EPS8: variants seen among roughly 807,000 people sequenced by gnomAD.
EPS8 encodes the protein epidermal growth factor receptor kinase substrate 8.
EPS8 carries 42 observed loss-of-function variants against 103.8 expected under a neutral mutation model. That is an observed-to-expected ratio of 0.40 (90% confidence interval 0.32 to 0.52). The LOEUF is 0.52. Among genes scored for constraint, EPS8 ranks in the 20% least tolerant of loss-of-function variants. The pLI is 0.40. For missense variants in EPS8, 969 were observed against 1,005.1 expected (o/e 0.96, Z 0.49); for synonymous variants, 344 against 344.6 (o/e 1.00, Z 0.02).
rs1947045758 is a variant in EPS8 at position 15,761,881 on chromosome 12, A to G, written c.-22+27280T>C. Among the ~76,000 whole-genome samples the G allele has an allele frequency of 6.6e-6, 1 of 152,160 alleles. No homozygotes were observed. ...CTCCAGGACACTGAACTAGGTGAAAATTTCTTGAGTAATACCTCACGAGAA... is the reference window on the plus strand; with the variant it reads ...CTCCAGGACACTGAACTAGGTGAAAGTTTCTTGAGTAATACCTCACGAGAA... On this transcript the variant is annotated intron_variant, in intron 1 of 20. Transcript: ENST00000281172. This position sits in a 1 kb window ranked among gnomAD's most constrained non-coding sequence, Gnocchi z 4.5.
intron 17 of EPS8, among the ~76,000 whole-genome samples, chr12:15,638,683 T>G (rs1470265758): frequency 6.6e-6 from 1 of 152,222 alleles, no homozygotes; most frequent in Non-Finnish European, 1.5e-5. Context: ...AACAAACTCC[T>G]GAAACTTGTG....
rs184104425 is a variant in EPS8, at chr12:15,684,199, A to G, written c.-21-1227T>C. Reference sequence around the variant, plus strand: ...TTGGAAGAGCACAGAAAGCCTACATAAAGAAATAATATTCAAGATCTGGTC... The same window carrying G: ...TTGGAAGAGCACAGAAAGCCTACATGAAGAAATAATATTCAAGATCTGGTC... On this transcript the variant is annotated intron_variant, in intron 1 of 20. Coordinates refer to ENST00000281172, the MANE Select transcript of EPS8 (RefSeq NM_004447.6). The surrounding 1 kb of genome is among the most constrained non-coding windows in gnomAD (Gnocchi z 4.9). The G allele has an allele frequency of 6.6e-6, 1 of 152,326 alleles. No individual in the cohort carries two copies. The highest frequency in any genetic ancestry group is 1.9e-4 in the East Asian group (1 of 5,188). 9.4% of individuals were successfully genotyped at this position (152,326 alleles called of 1,614,324 possible).
rs1019446084 is a variant in EPS8 at position 15,752,540 on chromosome 12, T to C, written c.-22+36621A>G. Among the ~76,000 whole-genome samples, 5 of 152,038 alleles carry C rather than the reference T, an allele frequency of 3.3e-5. No homozygotes were observed. The highest frequency in any genetic ancestry group is 1.2e-4 in the African/African-American group (5 of 41,380). ...TGAGCCTTTTAGCAGGAGTGAAATA[T>C]TCCCAGCAATGGAATTAAAAGAAAT... On this transcript the variant is annotated intron_variant, in intron 1 of 20. Coordinates refer to ENST00000281172, the MANE Select transcript of EPS8 (RefSeq NM_004447.6). This position sits in a 1 kb window ranked among gnomAD's most constrained non-coding sequence, Gnocchi z 4.4.
intron 1 of EPS8, among the ~76,000 whole-genome samples, chr12:15,723,316 A>AT (rs1946618712): frequency 3.3e-5 from 5 of 152,004 alleles, no homozygotes; most frequent in Non-Finnish European, 5.9e-5. Flanking sequence ...GTCTCAAAAA[A>AT]ATATATATAT....
At chr12:15,685,466 A>AT in intron 1 of EPS8, among the ~76,000 whole-genome samples, 6 of 152,204 alleles carry the variant, frequency 3.9e-5, no homozygotes, top group African/African-American at 1.4e-4. Flanking sequence ...TTAAAACCAC[A>AT]GCAGCTGGTT....
Position 15,738,550 on chromosome 12 carries a change from GC to G in EPS8, c.-22+50610del, listed in dbSNP as rs1946788551. 6.6e-6 allele frequency among the ~76,000 whole-genome samples: 1 copy of G among 152,036 alleles called. No individual in the cohort carries two copies. Among genetic ancestry groups the G allele is most frequent in the Non-Finnish European group, 1.5e-5 (1 of 67,986 alleles). Reference sequence around the variant, plus strand: ...TCCTTCTATAATAAGAACATTCTTAGCCCTGAAGATAAAATATTAACAAAGA... The same window carrying G: ...TCCTTCTATAATAAGAACATTCTTAGCCTGAAGATAAAATATTAACAAAGA... On this transcript the variant is annotated intron_variant, in intron 1 of 20. Transcript: ENST00000281172. This position sits in a 1 kb window ranked among gnomAD's most constrained non-coding sequence, Gnocchi z 6.2.
At chr12:15,689,455 G>T (rs1946142374) in intron 1 of EPS8, among the ~76,000 whole-genome samples, 2 of 152,158 alleles carry the variant, frequency 1.3e-5, no homozygotes, top group South Asian at 4.1e-4. Context: ...TGGGTGGGAA[G>T]ATGGAAAAAC....
chr12:15,668,008 T>C (rs1945746675), intron 6 of EPS8, among the ~76,000 whole-genome samples: 1 of 152,104 alleles, frequency 6.6e-6, no homozygotes, highest in Non-Finnish European at 1.5e-5. Flanking sequence ...GATACAAACA[T>C]CAAATTTGAA....
chr12:15,689,530 ATATT>A lies in EPS8; in HGVS notation c.-21-6562_-21-6559del, dbSNP rs199812271. On this transcript the variant is annotated intron_variant, in intron 1 of 20. Coordinates refer to ENST00000281172, the MANE Select transcript of EPS8 (RefSeq NM_004447.6). ...TTTAATTGACAAATAATAATTGTATATATTTATAGTGTACAATGTAGTGCTTTGA... is the reference window on the plus strand; with the variant it reads ...TTTAATTGACAAATAATAATTGTATATATAGTGTACAATGTAGTGCTTTGA... 1.0e-3 allele frequency among the ~76,000 whole-genome samples: 154 copies of A among 152,314 alleles called. 1 individual carries two copies. In the East Asian group the frequency reaches 0.028, roughly 27 times the overall value.
At chr12:15,662,173 A>C (rs1318548925) in intron 8 of EPS8, 74 bp from the exon 9 acceptor site, 15 of 1,562,336 alleles carry the variant, frequency 9.6e-6, no homozygotes, top group Non-Finnish European at 4.4e-6. Context: ...AAAACATAAA[A>C]ATTAGTTAAA....
chr12:15,764,861 A>G lies in EPS8; in HGVS notation c.-22+24300T>C, dbSNP rs1334849208. The stretch of plus-strand genomic sequence containing the variant: ...CTAATACAAGTAATTCAATAAAAAA[A>G]CAAGTAGTATCTACAACCATTAAAA... On this transcript the variant is annotated intron_variant, in intron 1 of 20. Transcript: ENST00000281172. This position sits in a 1 kb window ranked among gnomAD's most constrained non-coding sequence, Gnocchi z 4.1. Among the ~76,000 whole-genome samples the G allele has an allele frequency of 2.0e-5, 3 of 152,246 alleles. No homozygotes were observed. The highest frequency in any genetic ancestry group is 4.4e-5 in the Non-Finnish European group (3 of 68,044).
At chr12:15,732,338 G>T (rs1434498187) in intron 1 of EPS8, among the ~76,000 whole-genome samples, 1 of 152,104 alleles carries the variant, frequency 6.6e-6, no homozygotes, top group East Asian at 1.9e-4. Context: ...ACATAATTAT[G>T]GTGATAATGA....
intron 4 of EPS8, 44 bp from the exon 5 acceptor site, chr12:15,669,869 CA>C (rs1945785319): frequency 6.9e-7 from 1 of 1,440,856 alleles, no homozygotes. Context: ...CACATACAAA[CA>C]CATACAACCT....
At chr12:15,666,310 T>C (rs1945708451) in intron 7 of EPS8, 130 bp downstream of exon 7, 1 of 660,546 alleles carries the variant, frequency 1.5e-6, no homozygotes, top group Admixed American at 3.3e-5. Flanking sequence ...ACAAATGTGT[T>C]GAGACTACAG....
At chr12:15,662,419 A>G (rs940157995) in intron 8 of EPS8, 1 of 1,041,672 alleles carries the variant, frequency 9.6e-7, no homozygotes, top group Non-Finnish European at 1.2e-6. Context: ...TAATTCCTAC[A>G]CAAGCCAGAA....
At chr12:15,682,367 A>G (rs1214594420) in intron 2 of EPS8, among the ~76,000 whole-genome samples, 1 of 152,230 alleles carries the variant, frequency 6.6e-6, no homozygotes, top group Non-Finnish European at 1.5e-5. Context: ...TCAAATAATA[A>G]CATTAATCGT....
At position 15,759,212 on chromosome 12, in the gene EPS8, G is replaced by A. The variant is rs1947017491; in HGVS notation, c.-22+29949C>T. Reference sequence around the variant, plus strand: ...CAGAGTGCTATAATACACTAAAAATGCCTCAAAAAACATGTTTTGATTAAC... The same window carrying A: ...CAGAGTGCTATAATACACTAAAAATACCTCAAAAAACATGTTTTGATTAAC... On this transcript the variant is annotated intron_variant, in intron 1 of 20. Coordinates refer to ENST00000281172, the MANE Select transcript of EPS8 (RefSeq NM_004447.6). This position sits in a 1 kb window ranked among gnomAD's most constrained non-coding sequence, Gnocchi z 4.9. Among the ~76,000 whole-genome samples, 2 of 152,046 alleles carry A rather than the reference G, an allele frequency of 1.3e-5. No homozygotes were observed. The highest frequency in any genetic ancestry group is 1.9e-4 in the East Asian group (1 of 5,170).
At chr12:15,685,544 T>C (rs1038311474) in intron 1 of EPS8, among the ~76,000 whole-genome samples, 1 of 152,184 alleles carries the variant, frequency 6.6e-6, no homozygotes, top group Non-Finnish European at 1.5e-5. Context: ...ATCAAATAAA[T>C]GCATGGTCTC....
chr12:15,706,921 G>T lies in EPS8; in HGVS notation c.-21-23949C>A, dbSNP rs1373410292. On this transcript the variant is annotated intron_variant, in intron 1 of 20. Transcript: ENST00000281172. This position sits in a 1 kb window ranked among gnomAD's most constrained non-coding sequence, Gnocchi z 5.2. Reference sequence around the variant, plus strand: ...GCAAGCCAGACAAGCTTACATTTCAGTCCTTATTAAATGTAAAACTTTAGG... The same window carrying T: ...GCAAGCCAGACAAGCTTACATTTCATTCCTTATTAAATGTAAAACTTTAGG... Among the ~76,000 whole-genome samples the T allele has an allele frequency of 1.3e-5, 2 of 151,964 alleles. No individual in the cohort carries two copies. The highest frequency in any genetic ancestry group is 2.9e-5 in the Non-Finnish European group (2 of 67,988).
Sources: gnomAD v4.1 joint callset for allele counts (sites outside exome capture counted in the v4.1 genomes callset) on GRCh38, gnomAD v4.1.1 for gene constraint, Gnocchi (gnomAD v3.1) non-coding constraint, MANE v1.5 for transcripts, NCBI Gene and HGNC (gene_info 2026-07-23, HGNC 2026-07-21) for gene names.